PSMG1: variants seen among roughly 807,000 people sequenced by gnomAD.
The protein encoded by PSMG1 is proteasome assembly chaperone 1.
PSMG1 carries 23 observed loss-of-function variants against 37.2 expected under a neutral mutation model. The observed-to-expected ratio is 0.62, with a 90% CI of 0.44 to 0.88. PSMG1 has a LOEUF of 0.88. Among genes scored for constraint, PSMG1 ranks in the 40% least tolerant of loss-of-function variants. The pLI, the probability that PSMG1 is intolerant of heterozygous loss-of-function variation, is 0.00. For synonymous variants in PSMG1, 127 were observed against 128.0 expected (o/e 0.99, Z 0.05); for missense variants, 340 against 344.2 (o/e 0.99, Z 0.10).
intron 4 of PSMG1, 120 bp from the exon 5 acceptor site, chr21:39,178,767 G>C (rs2030718554): frequency 1.0e-6 from 1 of 961,974 alleles, no homozygotes; most frequent in Non-Finnish European, 1.5e-6. Context: ...AGGGGTGGGA[G>C]TGTGCCTTGG....
chr21:39,183,217 G>A (rs756679584), intron 1 of PSMG1, 35 bp downstream of exon 1: 2 of 1,535,072 alleles, frequency 1.3e-6, no homozygotes, highest in Non-Finnish European at 1.8e-6. Context: ...CCTTCCAGCT[G>A]CGGTGAGCGC....
intron 1 of PSMG1, 123 bp downstream of exon 1, chr21:39,183,129 C>G (rs2146415066): frequency 8.0e-7 from 1 of 1,242,504 alleles, no homozygotes; most frequent in East Asian, 3.1e-5. Flanking sequence ...AGCCAAGGAG[C>G]GGCGGCAACC....
At chr21:39,182,325 G>A (rs978423178) in intron 1 of PSMG1, among the ~76,000 whole-genome samples, 2 of 152,148 alleles carry the variant, frequency 1.3e-5, no homozygotes, top group Non-Finnish European at 2.9e-5. Flanking sequence ...AGAGTGTGGG[G>A]GCACTGGACA....
chr21:39,180,292 T>A lies in PSMG1; in HGVS notation c.386A>T (p.Asn129Ile). The change falls in exon 3 of 7, where the codon AAT becomes ATT. Residue 129 changes from asparagine (N) to isoleucine (I), a missense_variant. Transcript: ENST00000331573. The stretch of plus-strand genomic sequence containing the variant: ...CATACAAGTCCCACCTACCGAGGGA[T>A]TGGATTTTAGATGATAAAACACACA... ...AFCVFYHLKS[N>I]PSVFLCQCSC... 2 of 1,600,366 alleles carry A rather than the reference T, an allele frequency of 1.2e-6. No homozygotes were observed. Among genetic ancestry groups the A allele is most frequent in the Non-Finnish European group, 8.5e-7 (1 of 1,174,600 alleles).
In PSMG1 at chr21:39,175,564, T is replaced by A. The variant is rs769239406; in HGVS notation, c.*26A>T. ...TCCCCTTAAAGGAATGGACAAGTAA[T>A]ATACACTACAAAACAATGTTTAAGA... On this transcript the variant is annotated 3_prime_UTR_variant, in exon 7 of 7. Coordinates refer to ENST00000331573, the MANE Select transcript of PSMG1 (RefSeq NM_003720.4). 1.9e-6 allele frequency: 3 copies of A among 1,582,384 alleles called. No individual in the cohort carries two copies. In the African/African-American group the frequency reaches 4.0e-5, roughly 21 times the overall value.
intron 6 of PSMG1, among the ~76,000 whole-genome samples, chr21:39,176,050 T>C (rs1299909225): frequency 6.6e-6 from 1 of 152,142 alleles, no homozygotes; most frequent in African/African-American, 2.4e-5. Context: ...GATTCATCCA[T>C]CTTTCAAATC....
At position 39,178,472 on chromosome 21, in the gene PSMG1, A is replaced by G. The variant is rs202176293; in HGVS notation, c.632T>C (p.Ile211Thr). ...ACCTGCTGCAGGAAGGTCGTGTACTATATTCGGTTGTTCTAGCAATGGACA... is the reference window on the plus strand; with the variant it reads ...ACCTGCTGCAGGAAGGTCGTGTACTGTATTCGGTTGTTCTAGCAATGGACA... Reference protein sequence around the residue: ...ACCPLLEQPNIVHDLPAAVLS... With the variant: ...ACCPLLEQPNTVHDLPAAVLS... The change falls in exon 5 of 7, where the codon ATA becomes ACA. Residue 211 changes from isoleucine (I) to threonine (T), a missense_variant. Coordinates refer to ENST00000331573, the MANE Select transcript of PSMG1 (RefSeq NM_003720.4). 5 of 1,613,878 alleles carry G rather than the reference A, an allele frequency of 3.1e-6. No individual in the cohort carries two copies. Among genetic ancestry groups the G allele is most frequent in the Non-Finnish European group, 4.2e-6 (5 of 1,179,754 alleles).
rs933508057 is a variant in PSMG1, at chr21:39,182,783, A to C, written c.134+469T>G. On this transcript the variant is annotated intron_variant, in intron 1 of 6. Transcript: ENST00000331573. The stretch of plus-strand genomic sequence containing the variant: ...CGTGTTCATCGGCTACTGACACATC[A>C]TGCTAATTGAAGTGTTGGGTGCAGG... Among the ~76,000 whole-genome samples, 45 of 152,162 alleles carry C rather than the reference A, an allele frequency of 3.0e-4. 2 individuals are homozygous for C. Among genetic ancestry groups the C allele is most frequent in the Non-Finnish European group, 7.4e-5 (5 of 68,022 alleles).
In PSMG1 at chr21:39,180,423, T is replaced by C; in HGVS notation, c.255A>G (p.Ser85=). The stretch of plus-strand genomic sequence containing the variant: ...CCCAGACTCCTGAATTCATAACAAA[T>C]GATGACAGAAATGCTGTAAAAAACA... ...IGNNAVAFLS[S]FVMNSGVWEE... is the part of the protein sequence containing the mutation. Residue 85 remains serine, a synonymous_variant, in exon 3 of 7, where the codon TCA becomes TCG. Coordinates refer to ENST00000331573, the MANE Select transcript of PSMG1 (RefSeq NM_003720.4). 2 of 1,593,802 alleles carry C rather than the reference T, an allele frequency of 1.3e-6. No individual in the cohort carries two copies. Among genetic ancestry groups the C allele is most frequent in the East Asian group, 2.2e-5 (1 of 44,640 alleles).
chr21:39,181,903 T>G (rs760600486), intron 1 of PSMG1, 25 bp from the exon 2 acceptor site: 1 of 1,510,060 alleles, frequency 6.6e-7, no homozygotes, highest in Non-Finnish European at 8.9e-7. Flanking sequence ...AAGATGAAAC[T>G]AAAGCAACTT....
chr21:39,183,397 G>A lies in PSMG1; in HGVS notation c.-12C>T. 2 of 1,574,556 alleles carry A rather than the reference G, an allele frequency of 1.3e-6. No homozygotes were observed. Among genetic ancestry groups the A allele is most frequent in the South Asian group, 1.2e-5 (1 of 86,518 alleles). On this transcript the variant is annotated 5_prime_UTR_variant, in exon 1 of 7. Transcript: ENST00000331573. Reference sequence around the variant, plus strand: ...AACGTGGCCGCCATAGCCGCCCCGTGACCGGCTGGACACAACTGCAGCGCC... The same window carrying A: ...AACGTGGCCGCCATAGCCGCCCCGTAACCGGCTGGACACAACTGCAGCGCC...
At chr21:39,182,773 C>T (rs1263535745) in intron 1 of PSMG1, among the ~76,000 whole-genome samples, 1 of 152,112 alleles carries the variant, frequency 6.6e-6, no homozygotes, top group African/African-American at 2.4e-5. Flanking sequence ...TCATCGGCTA[C>T]TGACACATCA....
intron 2 of PSMG1, among the ~76,000 whole-genome samples, chr21:39,180,796 G>A (rs1425869661): frequency 6.6e-6 from 1 of 152,058 alleles, no homozygotes; most frequent in East Asian, 1.9e-4. Context: ...AACCACTAGG[G>A]GTACCTTACA....
At chr21:39,176,197 C>T (rs1202391331) in intron 6 of PSMG1, among the ~76,000 whole-genome samples, 1 of 152,222 alleles carries the variant, frequency 6.6e-6, no homozygotes, top group African/African-American at 2.4e-5. Context: ...GCAGAACCAC[C>T]ATCTTACCCT....
rs1416018464 is a variant in PSMG1 at position 39,178,530 on chromosome 21, G to C, written c.574C>G (p.Leu192Val). The change falls in exon 5 of 7, where the codon CTA becomes GTA. Residue 192 changes from leucine to valine, a missense_variant. Coordinates refer to ENST00000331573, the MANE Select transcript of PSMG1 (RefSeq NM_003720.4). ...GAGTCTTTGAAATTCTGTGTTTTTA[G>C]GGCTCTCAGGAAAGGAGAAGGAAGG... ...GSLPSPFLRALKTQNFKDSAC... is the reference protein window; with the variant it reads ...GSLPSPFLRAVKTQNFKDSAC... 6.2e-7 allele frequency: 1 copy of C among 1,613,934 alleles called. No individual in the cohort carries two copies. Among genetic ancestry groups the C allele is most frequent in the Admixed American group, 1.7e-5 (1 of 59,990 alleles).
chr21:39,181,327 C>T (rs758705741), intron 2 of PSMG1, among the ~76,000 whole-genome samples: 7 of 151,890 alleles, frequency 4.6e-5, no homozygotes, highest in African/African-American at 7.2e-5. Flanking sequence ...TGTAGAGATA[C>T]GGTCTCACTA....
chr21:39,175,322 A>C lies in PSMG1; in HGVS notation c.*268T>G, dbSNP rs2030588463. On this transcript the variant is annotated 3_prime_UTR_variant, in exon 7 of 7. Coordinates refer to ENST00000331573, the MANE Select transcript of PSMG1 (RefSeq NM_003720.4). ...GCCTCAAAAAATAAATAAATAAATA[A>C]ATAAGATAAAAATTTAACTATAGTA... 1 of 186,504 alleles carries C rather than the reference A, an allele frequency of 5.4e-6. No homozygotes were observed. The highest frequency in any genetic ancestry group is 2.4e-5 in the African/African-American group (1 of 42,324). The allele number at this position is 186,504 out of a possible 1,614,324, so 11.6% of individuals were successfully genotyped here.
intron 4 of PSMG1, 68 bp from the exon 5 acceptor site, chr21:39,178,715 AG>A: frequency 7.1e-7 from 1 of 1,416,442 alleles, no homozygotes; most frequent in Non-Finnish European, 9.7e-7. Context: ...ACATTCCTCT[AG>A]GTATTCACCT....
In PSMG1 at chr21:39,178,601, G is replaced by C. The variant is rs1258190748; in HGVS notation, c.503C>G (p.Thr168Arg). 6.2e-7 allele frequency: 1 copy of C among 1,614,138 alleles called. No individual in the cohort carries two copies. Among genetic ancestry groups the C allele is most frequent in the Admixed American group, 1.7e-5 (1 of 60,028 alleles). Reference sequence around the variant, plus strand: ...TTTATAATCGGTAACATGTCGACATGTGAGAATAGTTATCTGCATGTTCTT... The same window carrying C: ...TTTATAATCGGTAACATGTCGACATCTGAGAATAGTTATCTGCATGTTCTT... ...PRKNMQITILTCRHVTDYKTS... is the reference protein window; with the variant it reads ...PRKNMQITILRCRHVTDYKTS... Residue 168 changes from threonine (T) to arginine (R), a missense_variant, in exon 5 of 7, where the codon ACA becomes AGA. Physicochemically the swap from Thr to Arg is moderately conservative, Grantham distance 71. Coordinates refer to ENST00000331573, the MANE Select transcript of PSMG1 (RefSeq NM_003720.4).
Sources: gnomAD v4.1 joint callset for allele counts (sites outside exome capture counted in the v4.1 genomes callset) on GRCh38, gnomAD v4.1.1 for gene constraint, MANE v1.5 for transcripts, NCBI Gene and HGNC (gene_info 2026-07-23, HGNC 2026-07-21) for gene names.